Variants in HBS1L observed in about 807,000 individuals in gnomAD.
HBS1L encodes the protein HBS1-like protein.
In HBS1L, 55 loss-of-function variants were observed where a neutral mutation model predicts 88.9. The observed-to-expected ratio is 0.62, with a 90% CI of 0.50 to 0.77. The LOEUF (loss-of-function observed/expected upper bound fraction) is 0.77. HBS1L is among the 30% of genes least tolerant of loss of function. The probability of loss-of-function intolerance (pLI) is 0.00; values close to 1 mark genes in which losing one functional copy is unlikely to be tolerated. For synonymous variants in HBS1L, 267 were observed against 288.5 expected (o/e 0.93, Z 0.76); for missense variants, 741 against 829.3 (o/e 0.89, Z 1.31).
chr6:135,046,311 C>T (rs1447642492), intron 2 of HBS1L, among the ~76,000 whole-genome samples: 1 of 151,750 alleles, frequency 6.6e-6, no homozygotes, highest in African/African-American at 2.4e-5. Flanking sequence ...AAACAAGCTT[C>T]CTTATACCAA....
intron 2 of HBS1L, among the ~76,000 whole-genome samples, chr6:135,044,547 G>C (rs1776850469): frequency 6.6e-6 from 1 of 152,196 alleles, no homozygotes; most frequent in Non-Finnish European, 1.5e-5. Flanking sequence ...CTCAGAATTA[G>C]AGATGTGTCT....
intron 4 of HBS1L, among the ~76,000 whole-genome samples, chr6:135,032,663 A>C (rs555956222): frequency 1.3e-5 from 2 of 152,270 alleles, no homozygotes; most frequent in Non-Finnish European, 2.9e-5. Flanking sequence ...AAAAAGGTAA[A>C]TAATCATATG....
chr6:135,041,537 CTT>C (rs1776735948), intron 3 of HBS1L, among the ~76,000 whole-genome samples: 1 of 152,078 alleles, frequency 6.6e-6, no homozygotes, highest in Non-Finnish European at 1.5e-5. Flanking sequence ...AATCTTGAAA[CTT>C]AATTCACACA....
intron 2 of HBS1L, among the ~76,000 whole-genome samples, chr6:135,042,770 G>A (rs556871725): frequency 7.0e-4 from 104 of 148,830 alleles, no homozygotes; most frequent in African/African-American, 2.3e-3. Flanking sequence ...CCGAGATCAC[G>A]CCATTGCACT....
intron 4 of HBS1L, among the ~76,000 whole-genome samples, chr6:135,005,578 T>C (rs1775587370): frequency 6.6e-6 from 1 of 152,178 alleles, no homozygotes; most frequent in Non-Finnish European, 1.5e-5. Flanking sequence ...TTTAAAAAGT[T>C]TGTCTGAAAA....
At chr6:135,030,926 A>G (rs1056659592) in intron 4 of HBS1L, among the ~76,000 whole-genome samples, 1 of 152,076 alleles carries the variant, frequency 6.6e-6, no homozygotes, top group Non-Finnish European at 1.5e-5. Flanking sequence ...TGAGTCATCC[A>G]ACATGCAATT....
chr6:135,008,971 T>C (rs1270143927), intron 4 of HBS1L, among the ~76,000 whole-genome samples: 3 of 152,178 alleles, frequency 2.0e-5, no homozygotes. Context: ...TTATCTTAGA[T>C]GGCAATAACC....
rs145319181 is a variant in HBS1L at position 134,985,932 on chromosome 6, A to T, written c.1423+134T>A. On this transcript the variant is annotated intron_variant, in intron 11 of 17. Coordinates refer to ENST00000367837, the MANE Select transcript of HBS1L (RefSeq NM_006620.4). ...AGGTTAAGTATTGCACATGATGACA[A>T]AACAGGTAACTTAGTTCCTCCGACT... 34 of 608,512 alleles carry T rather than the reference A, an allele frequency of 5.6e-5. No individual in the cohort carries two copies. In the African/African-American group the frequency reaches 5.8e-4, roughly 10 times the overall value. 37.7% of individuals were successfully genotyped at this position (608,512 alleles called of 1,614,324 possible).
chr6:134,973,938 A>G lies in HBS1L; in HGVS notation c.1798-4600T>C, dbSNP rs1237829897. On this transcript the variant is annotated intron_variant, in intron 15 of 17. Transcript: ENST00000367837. ...AAAAATGGTAAGTTCTATGTCACATATATATATATATAAAATAATAAAAAT... is the reference window on the plus strand; with the variant it reads ...AAAAATGGTAAGTTCTATGTCACATGTATATATATATAAAATAATAAAAAT... Among the ~76,000 whole-genome samples the G allele has an allele frequency of 2.2e-4, 33 of 151,678 alleles. 1 individual carries two copies. Among genetic ancestry groups the G allele is most frequent in the Admixed American group, 2.2e-3 (33 of 15,226 alleles).
rs935477809 is a variant in HBS1L, at chr6:134,978,659, T to C, written c.1797+20A>G. 18 of 1,317,912 alleles carry C rather than the reference T, an allele frequency of 1.4e-5. No individual in the cohort carries two copies. The highest frequency in any genetic ancestry group is 1.0e-4 in the Admixed American group (5 of 49,944). 81.6% of individuals were successfully genotyped at this position (1,317,912 alleles called of 1,614,324 possible). A position where few individuals can be genotyped will look rare whatever the true frequency, so the allele number is the denominator to read the frequency against. ...TTTGAATTTATAAAAACAGGAATAATAAAACATTTTGGAACTTACAGGAAA... is the reference window on the plus strand; with the variant it reads ...TTTGAATTTATAAAAACAGGAATAACAAAACATTTTGGAACTTACAGGAAA... On this transcript the variant is annotated intron_variant, in intron 15 of 17. Coordinates refer to ENST00000367837, the MANE Select transcript of HBS1L (RefSeq NM_006620.4).
At chr6:134,996,217 G>T (rs1269307253) in intron 7 of HBS1L, among the ~76,000 whole-genome samples, 1 of 152,076 alleles carries the variant, frequency 6.6e-6, no homozygotes, top group African/African-American at 2.4e-5. Flanking sequence ...CTATTCTTTG[G>T]CCAGACAGTA....
At position 134,962,349 on chromosome 6, in the gene HBS1L, G is replaced by C. The variant is rs918094288; in HGVS notation, c.*2930C>G. 2.0e-5 allele frequency: 3 copies of C among 152,126 alleles called. No homozygotes were observed. Among genetic ancestry groups the C allele is most frequent in the Non-Finnish European group, 4.4e-5 (3 of 68,036 alleles). The allele number at this position is 152,126 out of a possible 1,614,324, so 9.4% of individuals were successfully genotyped here. A position where few individuals can be genotyped will look rare whatever the true frequency, so the allele number is the denominator to read the frequency against. On this transcript the variant is annotated 3_prime_UTR_variant, in exon 18 of 18. Coordinates refer to ENST00000367837, the MANE Select transcript of HBS1L (RefSeq NM_006620.4). ...TGTAAAAAAATGCATTGGAGAGACA[G>C]AAAAGAAATACATGAAAACATTGGC...
In HBS1L at chr6:134,993,861, T is replaced by A. The variant is rs778022565; in HGVS notation, c.980A>T (p.Asp327Val). 1.3e-6 allele frequency: 2 copies of A among 1,583,526 alleles called. No individual in the cohort carries two copies. The highest frequency in any genetic ancestry group is 1.7e-6 in the Non-Finnish European group (2 of 1,154,678). ...GEERERGVTM[D>V]VGMTKFETTT... is the part of the protein sequence containing the mutation. Reference sequence around the variant, plus strand: ...GGTTTCAAACTTTGTCATACCAACATCCATGGTTACTCCCCTTAAACAAAA... The same window carrying A: ...GGTTTCAAACTTTGTCATACCAACAACCATGGTTACTCCCCTTAAACAAAA... The change falls in exon 8 of 18, where the codon GAT (aspartate) becomes GTT (valine). Residue 327 changes from aspartate (D) to valine (V), a missense_variant. Around this residue, in one of 3 missense-constraint regions of HBS1L, gnomAD observed 556 missense variants for 598.4 expected, o/e 0.93. Transcript: ENST00000367837.
In HBS1L at chr6:135,012,482, ATC is replaced by A. The variant is rs1180724879; in HGVS notation, c.431-9642_431-9641del. Reference sequence around the variant, plus strand: ...AATAAAAATGACTTGTGCCTGTAGTATCTGATATGGTGTCTCTGCTTTCTATC... The same window carrying A: ...AATAAAAATGACTTGTGCCTGTAGTATGATATGGTGTCTCTGCTTTCTATC... On this transcript the variant is annotated intron_variant, in intron 4 of 17. Transcript: ENST00000367837. 1.2e-4 allele frequency among the ~76,000 whole-genome samples: 19 copies of A among 152,310 alleles called. 1 individual carries two copies. The highest frequency in any genetic ancestry group is 1.2e-3 in the Admixed American group (18 of 15,300).
At chr6:135,045,704 G>A (rs756050883) in intron 2 of HBS1L, among the ~76,000 whole-genome samples, 3 of 152,038 alleles carry the variant, frequency 2.0e-5, no homozygotes, top group South Asian at 2.1e-4. Context: ...GCGTGGTGGC[G>A]GGCGCCTGCA....
Position 135,005,983 on chromosome 6 carries a change from T to C in HBS1L, c.431-3141A>G, listed in dbSNP as rs191909123. On this transcript the variant is annotated intron_variant, in intron 4 of 17. Transcript: ENST00000367837. Reference sequence around the variant, plus strand: ...TTGAACATTTAAAAAATTAGAGGAATTGTTGGATAGTATTGAGGGCCCATT... The same window carrying C: ...TTGAACATTTAAAAAATTAGAGGAACTGTTGGATAGTATTGAGGGCCCATT... Among the ~76,000 whole-genome samples, 4 of 152,314 alleles carry C rather than the reference T, an allele frequency of 2.6e-5. No homozygotes were observed. The East Asian group carries it at 7.7e-4, about 29-fold the overall frequency.
At chr6:135,044,191 T>C (rs1776838924) in intron 2 of HBS1L, among the ~76,000 whole-genome samples, 2 of 152,200 alleles carry the variant, frequency 1.3e-5, no homozygotes, top group South Asian at 4.1e-4. Flanking sequence ...AAATCCTATA[T>C]TTACTGGAGT....
At chr6:135,024,167 A>G (rs962632650) in intron 4 of HBS1L, among the ~76,000 whole-genome samples, 2 of 152,174 alleles carry the variant, frequency 1.3e-5, no homozygotes, top group East Asian at 3.8e-4. Flanking sequence ...TGGGCCGGGC[A>G]CAGTGGCTCA....
intron 4 of HBS1L, among the ~76,000 whole-genome samples, chr6:135,007,285 T>A (rs553649455): frequency 6.6e-6 from 1 of 152,338 alleles, no homozygotes; most frequent in South Asian, 2.1e-4. Context: ...TGGATTTGAA[T>A]ACCACCCCAT....
Sources: allele counts gnomAD v4.1 joint callset (sites outside exome capture counted in the v4.1 genomes callset), GRCh38; gene constraint gnomAD v4.1.1; regional missense constraint gnomAD v4.1.1; transcripts MANE v1.5; gene names NCBI Gene and HGNC (gene_info 2026-07-23, HGNC 2026-07-21).